Variants in PRRC2B observed in about 807,000 individuals in gnomAD.
The protein encoded by PRRC2B is proline rich coiled-coil 2B.
In PRRC2B, 68 loss-of-function variants were observed where a neutral mutation model predicts 242.3. The ratio of observed to expected loss-of-function variants is 0.28; its 90% CI spans 0.23 to 0.34. The LOEUF (loss-of-function observed/expected upper bound fraction) is 0.34. PRRC2B is among the 10% of genes least tolerant of loss of function. The pLI is 1.00. For missense variants in PRRC2B, 2,835 were observed against 2,954.8 expected (o/e 0.96, Z 0.94); for synonymous variants, 1,228 against 1,173.6 (o/e 1.05, Z -0.95).
chr9:131,475,317 A>T lies in PRRC2B; in HGVS notation c.3188A>T (p.Gln1063Leu). ...GAGCAAGCCTTTGGGGTCAGAGGAC[A>T]GGCCCGGGGCCGGGGCCGTGGTTTC... Reference protein sequence around the residue: ...DEEQAFGVRGQARGRGRGFRE... With the variant: ...DEEQAFGVRGLARGRGRGFRE... The change falls in exon 16 of 32, where the codon CAG becomes CTG. Residue 1063 changes from glutamine (Q) to leucine (L), a missense_variant. Coordinates refer to ENST00000683519, the MANE Select transcript of PRRC2B (RefSeq NM_013318.4). 3 of 1,600,336 alleles carry T rather than the reference A, an allele frequency of 1.9e-6. No individual in the cohort carries two copies. The highest frequency in any genetic ancestry group is 2.6e-6 in the Non-Finnish European group (3 of 1,174,250).
At chr9:131,383,163 G>T (rs1480282997) in intron 1 of PRRC2B, among the ~76,000 whole-genome samples, 1 of 152,082 alleles carries the variant, frequency 6.6e-6, no homozygotes. Flanking sequence ...GCACCGAGAA[G>T]GCCTCCTCCG....
In PRRC2B at chr9:131,476,116, G is replaced by T. The variant is rs772576821; in HGVS notation, c.3987G>T (p.Glu1329Asp). The T allele has an allele frequency of 5.6e-6, 9 of 1,610,096 alleles. No homozygotes were observed. The highest frequency in any genetic ancestry group is 1.7e-5 in the Admixed American group (1 of 59,930). Residue 1329 changes from glutamate (E) to aspartate (D), a missense_variant, in exon 16 of 32, where the codon GAG (glutamate) becomes GAT (aspartate). By Grantham distance (45) the Glu-to-Asp change is conservative (BLOSUM62 2). This residue lies in a region of PRRC2B where 1,536 missense variants were observed against 1,483.1 expected (regional missense o/e 1.04). Transcript: ENST00000683519. ...AGTCCCTGGGCCTGTGGGGACCCGA[G>T]GAGGAGCCCCACCTGCTGGCAGGTC... ...ERESLGLWGP[E>D]EEPHLLAGQW...
In PRRC2B at chr9:131,486,164, G is replaced by A. The variant is rs1308557303; in HGVS notation, c.5838G>A (p.Gln1946=). Residue 1946 remains glutamine, a synonymous_variant, in exon 26 of 32, where the codon CAG becomes CAA. Transcript: ENST00000683519. ...QPRLVPQTIP[Q]QQSYQQAAAA... ...GGCTGGTTCCTCAAACGATACCTCA[G>A]CAGCAGAGTTACCAACAGGTGACAG... 5.0e-6 allele frequency: 8 copies of A among 1,611,188 alleles called. No individual in the cohort carries two copies. In the South Asian group the frequency reaches 7.7e-5, roughly 16 times the overall value.
rs890491909 is a variant in PRRC2B at position 131,447,911 on chromosome 9, T to C, written c.1120+107T>C. On this transcript the variant is annotated intron_variant, in intron 9 of 31. Transcript: ENST00000683519. ...CACCGTGTGTTTTCCCTTGGCAAGA[T>C]AGGGATGAAGAGCCGGACAGGGAAG... 3.9e-5 allele frequency: 49 copies of C among 1,268,804 alleles called. No individual in the cohort carries two copies. In the South Asian group the frequency reaches 6.4e-4, roughly 17 times the overall value. The allele number at this position is 1,268,804 out of a possible 1,614,324, so 78.6% of individuals were successfully genotyped here.
Position 131,485,149 on chromosome 9 carries a change from T to C in PRRC2B, c.5758+9T>C. On this transcript the variant is annotated intron_variant, in intron 25 of 31. Transcript: ENST00000683519. ...TTCTGCTTCTATGCCAGGTATCTCA[T>C]CCCCTGAGCAAGGCCTTGGGGTCCT... 1 of 1,566,600 alleles carries C rather than the reference T, an allele frequency of 6.4e-7. No homozygotes were observed. The highest frequency in any genetic ancestry group is 8.7e-7 in the Non-Finnish European group (1 of 1,152,304).
At chr9:131,432,831 G>A (rs745946621) in intron 3 of PRRC2B, 37 bp downstream of exon 3, 12 of 1,604,078 alleles carry the variant, frequency 7.5e-6, no homozygotes, top group East Asian at 4.5e-5. Context: ...GGGAGCTGGC[G>A]CTCCAAGGGT....
rs1201182044 is a variant in PRRC2B, at chr9:131,475,653, G to C, written c.3524G>C (p.Arg1175Thr). 1 of 1,611,102 alleles carries C rather than the reference G, an allele frequency of 6.2e-7. No homozygotes were observed. Among genetic ancestry groups the C allele is most frequent in the South Asian group, 1.1e-5 (1 of 90,898 alleles). ...EESTLKKGDC[R>T]DSWRSNKGCS... ...AGCACCTTGAAGAAGGGCGACTGCA[G>C]AGATTCTTGGCGGTCCAACAAGGGG... The change falls in exon 16 of 32, where the codon AGA becomes ACA. Residue 1175 changes from arginine to threonine, a missense_variant. By Grantham distance (71) the Arg-to-Thr change is moderately conservative (BLOSUM62 -1). Coordinates refer to ENST00000683519, the MANE Select transcript of PRRC2B (RefSeq NM_013318.4).
Position 131,447,904 on chromosome 9 carries a change from G to T in PRRC2B, c.1120+100G>T, listed in dbSNP as rs543039413. The T allele has an allele frequency of 9.2e-5, 121 of 1,311,748 alleles. 3 individuals carry two copies. Among genetic ancestry groups the T allele is most frequent in the Middle Eastern group, 5.7e-4 (2 of 3,496 alleles). The allele number at this position is 1,311,748 out of a possible 1,614,324, so 81.3% of individuals were successfully genotyped here. A position where few individuals can be genotyped will look rare whatever the true frequency, so the allele number is the denominator to read the frequency against. ...CTGGCACCACCGTGTGTTTTCCCTTGGCAAGATAGGGATGAAGAGCCGGAC... is the reference window on the plus strand; with the variant it reads ...CTGGCACCACCGTGTGTTTTCCCTTTGCAAGATAGGGATGAAGAGCCGGAC... On this transcript the variant is annotated intron_variant, in intron 9 of 31. Coordinates refer to ENST00000683519, the MANE Select transcript of PRRC2B (RefSeq NM_013318.4).
intron 1 of PRRC2B, among the ~76,000 whole-genome samples, chr9:131,429,071 T>C (rs1564280857): frequency 6.6e-6 from 1 of 152,176 alleles, no homozygotes; most frequent in Admixed American, 6.5e-5. Context: ...CTCATCCTCC[T>C]CAGTAGCTGG....
intron 11 of PRRC2B, among the ~76,000 whole-genome samples, chr9:131,462,694 C>A (rs541621185): frequency 6.6e-6 from 1 of 151,652 alleles, no homozygotes; most frequent in Non-Finnish European, 1.5e-5. Flanking sequence ...AAAAATTAGC[C>A]AGGCGTGGTG....
At position 131,484,712 on chromosome 9, in the gene PRRC2B, C is replaced by T. The variant is rs1943966892; in HGVS notation, c.5487C>T (p.Ile1829=). ...CAGGGTTAACACAGAGTATCCCCAT[C>T]CTGCGGCGGGACCATCACATCCAGA... ...SNAGLTQSIP[I]LRRDHHIQRA... is the part of the protein sequence containing the mutation. Residue 1829 remains isoleucine (I), a synonymous_variant, in exon 24 of 32, where the codon ATC becomes ATT. Coordinates refer to ENST00000683519, the MANE Select transcript of PRRC2B (RefSeq NM_013318.4). 2.5e-6 allele frequency: 4 copies of T among 1,612,598 alleles called. No individual in the cohort carries two copies. The highest frequency in any genetic ancestry group is 3.4e-6 in the Non-Finnish European group (4 of 1,179,334).
At chr9:131,442,128 T>C (rs1838609431) in intron 5 of PRRC2B, among the ~76,000 whole-genome samples, 1 of 152,050 alleles carries the variant, frequency 6.6e-6, no homozygotes, top group Non-Finnish European at 1.5e-5. Context: ...ACCTTTTTTT[T>C]TGTTTGTTTG....
intron 1 of PRRC2B, among the ~76,000 whole-genome samples, chr9:131,405,815 C>A (rs1837346003): frequency 6.6e-6 from 1 of 152,150 alleles, no homozygotes; most frequent in South Asian, 2.1e-4. Flanking sequence ...CTCTCCCTTG[C>A]AGGCACAGTG....
In PRRC2B at chr9:131,476,529, T is replaced by C; in HGVS notation, c.4400T>C (p.Val1467Ala). 1.3e-6 allele frequency: 2 copies of C among 1,587,830 alleles called. No individual in the cohort carries two copies. The highest frequency in any genetic ancestry group is 1.7e-4 in the Middle Eastern group (1 of 5,830). ...ESQQNGTPLKVKRSPDEALPG... is the reference protein window; with the variant it reads ...ESQQNGTPLKAKRSPDEALPG... ...CAACAGAATGGGACGCCTTTGAAAG[T>C]GAAAAGGTAAAACCAGACACCATCT... Residue 1467 changes from valine (V) to alanine (A), a missense_variant, in exon 16 of 32, where the codon GTG becomes GCG. This residue lies in a region of PRRC2B where 1,536 missense variants were observed against 1,483.1 expected (regional missense o/e 1.04). Coordinates refer to ENST00000683519, the MANE Select transcript of PRRC2B (RefSeq NM_013318.4).
At chr9:131,413,387 T>C (rs1837555195) in intron 1 of PRRC2B, among the ~76,000 whole-genome samples, 1 of 152,232 alleles carries the variant, frequency 6.6e-6, no homozygotes, top group Non-Finnish European at 1.5e-5. Flanking sequence ...CTGTCTCCTT[T>C]GTTCGGTGGC....
chr9:131,454,981 C>T, intron 9 of PRRC2B, 95 bp from the exon 10 acceptor site: 1 of 919,674 alleles, frequency 1.1e-6, no homozygotes, highest in Non-Finnish European at 1.7e-6. Flanking sequence ...CTCAGCCTCG[C>T]AAAGTACTGG....
intron 9 of PRRC2B, among the ~76,000 whole-genome samples, chr9:131,451,267 C>A (rs1942909701): frequency 6.6e-6 from 1 of 152,138 alleles, no homozygotes; most frequent in Non-Finnish European, 1.5e-5. Flanking sequence ...GGCGTGTTGG[C>A]ACGCGCCTGT....
intron 3 of PRRC2B, among the ~76,000 whole-genome samples, chr9:131,433,021 G>C (rs1274821815): frequency 6.6e-6 from 1 of 152,214 alleles, no homozygotes; most frequent in Non-Finnish European, 1.5e-5. Flanking sequence ...TAGAGCCGAT[G>C]GAGCAGCACA....
At chr9:131,479,527 C>T (rs1172895925) in intron 19 of PRRC2B, 134 bp downstream of exon 19, 35 of 867,642 alleles carry the variant, frequency 4.0e-5, no homozygotes, top group Non-Finnish European at 5.8e-5. Flanking sequence ...TTGCTGTGTT[C>T]CGCTGCTGAG....
Sources: gnomAD v4.1 joint callset for allele counts (sites outside exome capture counted in the v4.1 genomes callset) on GRCh38, gnomAD v4.1.1 for gene constraint, gnomAD v4.1.1 regional missense constraint, MANE v1.5 for transcripts, NCBI Gene and HGNC (gene_info 2026-07-23, HGNC 2026-07-21) for gene names.